Variants in PSMD1 observed in about 807,000 individuals in gnomAD.
The protein encoded by PSMD1 is proteasome 26S subunit, non-ATPase 1, also known as 26S proteasome non-ATPase regulatory subunit 1.
PSMD1 carries 18 observed loss-of-function variants against 119.0 expected under a neutral mutation model. The ratio of observed to expected loss-of-function variants is 0.15; its 90% CI spans 0.10 to 0.22. The LOEUF (loss-of-function observed/expected upper bound fraction) is 0.22, where lower values mean the gene tolerates loss of function less well. PSMD1 is among the 10% of genes least tolerant of loss of function. The pLI, the probability that PSMD1 is intolerant of heterozygous loss-of-function variation, is 1.00. For synonymous variants in PSMD1, 374 were observed against 396.6 expected (o/e 0.94, Z 0.68); for missense variants, 702 against 1,158.5 (o/e 0.61, Z 5.72).
At chr2:231,126,055 T>G (rs889798702) in intron 16 of PSMD1, among the ~76,000 whole-genome samples, 3 of 152,204 alleles carry the variant, frequency 2.0e-5, no homozygotes, top group African/African-American at 4.8e-5. Flanking sequence ...TGAAATAATA[T>G]TCAAGAGAAA....
At chr2:231,156,180 A>C (rs1474604973) in intron 19 of PSMD1, among the ~76,000 whole-genome samples, 1 of 152,154 alleles carries the variant, frequency 6.6e-6, no homozygotes, top group East Asian at 1.9e-4. Flanking sequence ...TCAGTAATTA[A>C]GTTTTATTAA....
Position 231,078,709 on chromosome 2 carries a change from T to C in PSMD1, c.1122T>C (p.Ser374=). ...VCHTATVIAN[S]FMHCGTTSDQ... is the part of the protein sequence containing the mutation. ...ATACTGCAACCGTTATAGCAAACTC[T>C]TTTATGCACTGTGGGACAACCAGTG... The change falls in exon 10 of 25, where the codon TCT becomes TCC. Residue 374 remains serine (S), a synonymous_variant. Transcript: ENST00000308696. The C allele has an allele frequency of 6.2e-7, 1 of 1,610,804 alleles. No homozygotes were observed. The highest frequency in any genetic ancestry group is 8.5e-7 in the Non-Finnish European group (1 of 1,178,826).
chr2:231,068,829 A>G (rs1368850116), intron 5 of PSMD1, among the ~76,000 whole-genome samples: 1 of 152,240 alleles, frequency 6.6e-6, no homozygotes, highest in Non-Finnish European at 1.5e-5. Context: ...TGCTAAAGAG[A>G]AGCCTTAAAC....
intron 16 of PSMD1, among the ~76,000 whole-genome samples, chr2:231,117,058 T>C (rs1289505107): frequency 6.6e-6 from 1 of 152,094 alleles, no homozygotes; most frequent in African/African-American, 2.4e-5. Flanking sequence ...ACACTTGTTT[T>C]ATAAAGGGGC....
chr2:231,157,411 C>T (rs1303323457), intron 19 of PSMD1, among the ~76,000 whole-genome samples: 1 of 149,378 alleles, frequency 6.7e-6, no homozygotes, highest in Non-Finnish European at 1.5e-5. Context: ...CTTTCAGCCT[C>T]TGTTTGTCTT....
chr2:231,071,933 A>C (rs1274206614), intron 6 of PSMD1, among the ~76,000 whole-genome samples: 1 of 152,222 alleles, frequency 6.6e-6, no homozygotes, highest in African/African-American at 2.4e-5. Flanking sequence ...CCAATGTTGA[A>C]TACTGCTGAT....
chr2:231,056,880 G>C lies in PSMD1; in HGVS notation c.-146G>C, dbSNP rs963660634. On this transcript the variant is annotated 5_prime_UTR_variant, in exon 1 of 25. Transcript: ENST00000308696. ...TGGGCGGGCGGGGTCCTGGCGAGAAGCGAGCCGGCGGCCTGAGGAGGCGAC... is the reference window on the plus strand; with the variant it reads ...TGGGCGGGCGGGGTCCTGGCGAGAACCGAGCCGGCGGCCTGAGGAGGCGAC... 6.9e-6 allele frequency: 8 copies of C among 1,158,626 alleles called. No individual in the cohort carries two copies. In the South Asian group the frequency reaches 8.1e-5, roughly 12 times the overall value. The allele number at this position is 1,158,626 out of a possible 1,614,324, so 71.8% of individuals were successfully genotyped here.
intron 17 of PSMD1, among the ~76,000 whole-genome samples, chr2:231,143,874 A>G (rs1696189797): frequency 6.6e-6 from 1 of 152,218 alleles, no homozygotes; most frequent in Non-Finnish European, 1.5e-5. Context: ...GGAAAATTTC[A>G]TCACTTGTGG....
intron 16 of PSMD1, among the ~76,000 whole-genome samples, chr2:231,099,074 C>T (rs923206609): frequency 1.1e-4 from 17 of 151,992 alleles, no homozygotes; most frequent in South Asian, 6.2e-4. Flanking sequence ...GGAAGGATAA[C>T]GTTGAGTAGA....
chr2:231,077,476 G>C (rs1158674720), intron 9 of PSMD1, among the ~76,000 whole-genome samples: 2 of 151,946 alleles, frequency 1.3e-5, no homozygotes, highest in African/African-American at 2.4e-5. Context: ...ATAGGCTCTT[G>C]AGCCGCTTGC....
intron 16 of PSMD1, among the ~76,000 whole-genome samples, chr2:231,114,527 A>G (rs1295553191): frequency 1.3e-5 from 2 of 152,216 alleles, no homozygotes; most frequent in Non-Finnish European, 2.9e-5. Flanking sequence ...GCTTCAGATT[A>G]TCCGGAAGAA....
chr2:231,083,438 TA>T (rs1694361682), intron 13 of PSMD1, 128 bp from the exon 14 acceptor site: 6 of 952,258 alleles, frequency 6.3e-6, no homozygotes, highest in South Asian at 1.7e-5. Context: ...CCAGGTGGTT[TA>T]AAAAAATGCT....
At chr2:231,166,343 T>G (rs1411798100) in intron 23 of PSMD1, among the ~76,000 whole-genome samples, 4 of 152,206 alleles carry the variant, frequency 2.6e-5, no homozygotes, top group Admixed American at 2.6e-4. Flanking sequence ...TCAGGCTAAG[T>G]GACCTTAGGC....
At chr2:231,146,883 C>G (rs544377837) in intron 18 of PSMD1, among the ~76,000 whole-genome samples, 1 of 152,202 alleles carries the variant, frequency 6.6e-6, no homozygotes, top group Non-Finnish European at 1.5e-5. Flanking sequence ...CCAAATGGCT[C>G]CAAGACAGCT....
Position 231,165,194 on chromosome 2 carries a change from C to T in PSMD1, c.2482-6C>T. On this transcript the variant is annotated splice_polypyrimidine_tract_variant and splice_region_variant and intron_variant, in intron 21 of 24. Coordinates refer to ENST00000308696, the MANE Select transcript of PSMD1 (RefSeq NM_002807.4). ...TTACAACAGTTTACCCTGCTCATTT[C>T]CCCAGGTTTCTACTGCTGTATTATC... 1 of 1,597,646 alleles carries T rather than the reference C, an allele frequency of 6.3e-7. No individual in the cohort carries two copies. Among genetic ancestry groups the T allele is most frequent in the Non-Finnish European group, 8.5e-7 (1 of 1,170,722 alleles).
chr2:231,058,641 G>A (rs1349932561), intron 1 of PSMD1, among the ~76,000 whole-genome samples: 1 of 151,844 alleles, frequency 6.6e-6, no homozygotes, highest in African/African-American at 2.4e-5. Context: ...CTGGCATACA[G>A]TAAAATCCAG....
At chr2:231,082,696 A>G (rs1413935118) in intron 12 of PSMD1, among the ~76,000 whole-genome samples, 187 bp from the exon 13 acceptor site, 3 of 152,222 alleles carry the variant, frequency 2.0e-5, no homozygotes, top group African/African-American at 7.2e-5. Flanking sequence ...CAAGAGCGAA[A>G]CTACGTCTGA....
Position 231,163,695 on chromosome 2 carries a change from C to G in PSMD1, c.2449C>G (p.Leu817Val), listed in dbSNP as rs1696691076. ...ATCCACATTTGCATATCCTGCCCCTCTGGAAGTACCAAAAGAAAAAGAAAA... is the reference window on the plus strand; with the variant it reads ...ATCCACATTTGCATATCCTGCCCCTGTGGAAGTACCAAAAGAAAAAGAAAA... The part of the protein sequence containing the change: ...KPSTFAYPAP[L>V]EVPKEKEKEK... Residue 817 changes from leucine to valine, a missense_variant, in exon 21 of 25, where the codon CTG becomes GTG. Physicochemically the swap from Leu to Val is conservative, Grantham distance 32. Around this residue, in one of 9 missense-constraint regions of PSMD1, gnomAD observed 152 missense variants for 239.3 expected, o/e 0.64. Transcript: ENST00000308696. 1 of 1,612,302 alleles carries G rather than the reference C, an allele frequency of 6.2e-7. No individual in the cohort carries two copies. The highest frequency in any genetic ancestry group is 8.5e-7 in the Non-Finnish European group (1 of 1,178,640).
chr2:231,101,575 G>T (rs894222922), intron 16 of PSMD1, among the ~76,000 whole-genome samples: 3 of 152,210 alleles, frequency 2.0e-5, no homozygotes, highest in Non-Finnish European at 2.9e-5. Flanking sequence ...AAATTCTGTT[G>T]TGGGTAGAAT....
Sources: allele counts gnomAD v4.1 joint callset (sites outside exome capture counted in the v4.1 genomes callset), GRCh38; gene constraint gnomAD v4.1.1; regional missense constraint gnomAD v4.1.1; transcripts MANE v1.5; gene names NCBI Gene and HGNC (gene_info 2026-07-23, HGNC 2026-07-21).